The following USP47 variants were observed in gnomAD, a reference collection of about 807,000 sequenced individuals.
The protein encoded by USP47 is ubiquitin carboxyl-terminal hydrolase 47.
USP47 carries 35 observed loss-of-function variants against 165.1 expected under a neutral mutation model. The observed-to-expected ratio is 0.21, with a 90% CI of 0.16 to 0.28. USP47 has a LOEUF of 0.28. Ranked by LOEUF, USP47 falls within the 10% of genes least tolerant of loss-of-function variation. The pLI, the probability that USP47 is intolerant of heterozygous loss-of-function variation, is 1.00. For synonymous variants in USP47, 531 were observed against 544.5 expected (o/e 0.98, Z 0.35); for missense variants, 1,277 against 1,607.4 (o/e 0.79, Z 3.52).
intron 20 of USP47, among the ~76,000 whole-genome samples, 165 bp from the exon 21 acceptor site, chr11:11,947,772 ACCCTGTGT>A: frequency 6.6e-6 from 1 of 152,234 alleles, no homozygotes; most frequent in East Asian, 1.9e-4. Context: ...CCTATCAGAA[ACCCTGTGT>A]CCATGTTTTT....
rs1176012772 is a variant in USP47, at chr11:11,923,041, C to CATACATATATAT, written c.1386+153_1386+154insCATATATATATA. The CATACATATATAT allele has an allele frequency of 2.9e-5, 4 of 139,832 alleles. No homozygotes were observed. In the East Asian group the frequency reaches 6.0e-4, roughly 21 times the overall value. 8.7% of individuals were successfully genotyped at this position (139,832 alleles called of 1,614,324 possible). The stretch of plus-strand genomic sequence containing the variant: ...ACTTCTCAAATATAGTTTTTTTGTA[C>CATACATATATAT]ATATATATATATATATATATATATA... On this transcript the variant is annotated intron_variant, in intron 11 of 27. Transcript: ENST00000527733.
At chr11:11,894,298 A>G (rs1442875189) in intron 4 of USP47, among the ~76,000 whole-genome samples, 1 of 152,112 alleles carries the variant, frequency 6.6e-6, no homozygotes. Flanking sequence ...TCTACTAAAA[A>G]TACAAAAATT....
At position 11,922,892 on chromosome 11, in the gene USP47, G is replaced by A. The variant is rs917986015; in HGVS notation, c.1386+1G>A. On this transcript the variant is annotated splice_donor_variant, in intron 11 of 27. Transcript: ENST00000527733. LOFTEE classifies it high-confidence loss of function. ...GATCTCAAAATCTGGACTTGAAAAG[G>A]TACCTTTTATAGTTTGCATTTTTTA... The A allele has an allele frequency of 6.2e-7, 1 of 1,608,460 alleles. No individual in the cohort carries two copies. Among genetic ancestry groups the A allele is most frequent in the Non-Finnish European group, 8.5e-7 (1 of 1,176,864 alleles).
chr11:11,865,672 A>T (rs1849632757), intron 1 of USP47, among the ~76,000 whole-genome samples: 1 of 151,582 alleles, frequency 6.6e-6, no homozygotes, highest in Non-Finnish European at 1.5e-5. Flanking sequence ...AACACTTTTT[A>T]TTTATTTTCC....
intron 20 of USP47, among the ~76,000 whole-genome samples, chr11:11,946,709 G>T (rs1209237668): frequency 6.6e-6 from 1 of 152,126 alleles, no homozygotes; most frequent in Non-Finnish European, 1.5e-5. Context: ...CTGGATTATT[G>T]ACATAGAGGG....
chr11:11,896,166 TATACC>T (rs1405409588), intron 4 of USP47, among the ~76,000 whole-genome samples: 2 of 152,206 alleles, frequency 1.3e-5, no homozygotes, highest in Non-Finnish European at 2.9e-5. Flanking sequence ...ATGTGATTTT[TATACC>T]TGATGGTAAA....
At chr11:11,922,630 G>A (rs538207778) in intron 10 of USP47, 94 bp from the exon 11 acceptor site, 2 of 918,080 alleles carry the variant, frequency 2.2e-6, no homozygotes, top group East Asian at 6.3e-5. Flanking sequence ...ATGTTAAATT[G>A]TGTGAAAATA....
At chr11:11,929,411 T>C (rs199985443) in intron 11 of USP47, 23 bp from the exon 12 acceptor site, 6 of 1,608,246 alleles carry the variant, frequency 3.7e-6, no homozygotes, top group Non-Finnish European at 4.2e-6. Flanking sequence ...CTCCTCTGAG[T>C]TACTTTTATT....
At chr11:11,953,700 TAATTTTAAGAAAGACAGCATGAATAGGC>T (rs1267746234) in intron 25 of USP47, among the ~76,000 whole-genome samples, 1 of 152,168 alleles carries the variant, frequency 6.6e-6, no homozygotes, top group African/African-American at 2.4e-5. Flanking sequence ...GGAACAAATC[TAATTTTAAGAAAGACAGCATGAATAGGC>T]AATTTATAGA....
Position 11,929,578 on chromosome 11 carries a change from C to G in USP47, c.1518+13C>G. On this transcript the variant is annotated intron_variant, in intron 12 of 27. Transcript: ENST00000527733. ...ACATGTCAGCAGGGTAAGGAGGTGT[C>G]CTTTAAGATTATTACTCTGAAAGGT... The G allele has an allele frequency of 1.9e-6, 3 of 1,608,678 alleles. No individual in the cohort carries two copies. The highest frequency in any genetic ancestry group is 2.5e-6 in the Non-Finnish European group (3 of 1,177,774).
At chr11:11,927,460 A>G (rs1029071007) in intron 11 of USP47, among the ~76,000 whole-genome samples, 6 of 152,102 alleles carry the variant, frequency 3.9e-5, no homozygotes, top group African/African-American at 1.4e-4. Context: ...TTGTACTATA[A>G]TGACAGAGTT....
rs368554946 is a variant in USP47 at position 11,942,517 on chromosome 11, G to A, written c.2496G>A (p.Val832=). 8.1e-6 allele frequency: 13 copies of A among 1,613,456 alleles called. No individual in the cohort carries two copies. In the African/African-American group the frequency reaches 9.3e-5, roughly 12 times the overall value. The change falls in exon 20 of 28, where the codon GTG becomes GTA. Residue 832 remains valine, a synonymous_variant. Transcript: ENST00000527733. ...AAGCTGGAGGCGATTCTGGTAATGTGGATGATGACTGTGAAAGAGTCAAAG... is the reference window on the plus strand; with the variant it reads ...AAGCTGGAGGCGATTCTGGTAATGTAGATGATGACTGTGAAAGAGTCAAAG... ...YQKAGGDSGN[V]DDDCERVKGP...
chr11:11,926,058 A>G (rs996953030), intron 11 of USP47, among the ~76,000 whole-genome samples: 2 of 152,162 alleles, frequency 1.3e-5, no homozygotes, highest in African/African-American at 4.8e-5. Context: ...GTCATGATGT[A>G]TAGTCCTTTA....
intron 1 of USP47, among the ~76,000 whole-genome samples, chr11:11,856,106 G>A (rs997757392): frequency 1.4e-5 from 2 of 143,392 alleles, no homozygotes; most frequent in African/African-American, 5.1e-5. Context: ...TAGTGTAGAT[G>A]CATGGGGCGC....
intron 11 of USP47, among the ~76,000 whole-genome samples, chr11:11,928,904 TA>T (rs140004948): frequency 0.021 from 3,213 of 152,092 alleles, 97 homozygotes; most frequent in African/African-American, 0.074. Context: ...AATATTAATT[TA>T]TTGTAGATAT....
intron 16 of USP47, among the ~76,000 whole-genome samples, chr11:11,935,323 G>A (rs986271045): frequency 4.6e-5 from 7 of 151,958 alleles, no homozygotes; most frequent in Non-Finnish European, 1.0e-4. Flanking sequence ...GTCAAAATTG[G>A]TTGGGTATGT....
intron 11 of USP47, among the ~76,000 whole-genome samples, chr11:11,927,490 C>T (rs1854337755): frequency 6.6e-6 from 1 of 152,022 alleles, no homozygotes; most frequent in Non-Finnish European, 1.5e-5. Flanking sequence ...CGACAGAAAC[C>T]GTATGGCCCA....
At position 11,955,107 on chromosome 11, in the gene USP47, C is replaced by T. The variant is rs746812221; in HGVS notation, c.3836C>T (p.Ser1279Phe). Residue 1279 changes from serine (S) to phenylalanine (F), a missense_variant, in exon 27 of 28, where the codon TCT becomes TTT. Around this residue, in one of 4 missense-constraint regions of USP47, gnomAD observed 909 missense variants for 1,068.1 expected, o/e 0.85. Transcript: ENST00000527733. ...HQDLDWNPKV[S>F]TLNVWPLYIC... ...GATTTAGACTGGAATCCTAAAGTTT[C>T]TACCCTGAATGTCTGGCCTCTTTAT... The T allele has an allele frequency of 1.2e-6, 2 of 1,613,802 alleles. No homozygotes were observed. Among genetic ancestry groups the T allele is most frequent in the African/African-American group, 1.3e-5 (1 of 74,908 alleles).
At chr11:11,950,582 A>G (rs1856153733) in intron 24 of USP47, 100 bp downstream of exon 24, 2 of 806,016 alleles carry the variant, frequency 2.5e-6, no homozygotes, top group African/African-American at 3.5e-5. Flanking sequence ...GAGGAATCTA[A>G]TATACATTAT....
Sources: allele counts gnomAD v4.1 joint callset (sites outside exome capture counted in the v4.1 genomes callset), GRCh38; gene constraint gnomAD v4.1.1; regional missense constraint gnomAD v4.1.1; transcripts MANE v1.5; gene names NCBI Gene and HGNC (gene_info 2026-07-23, HGNC 2026-07-21).